The following MRAP2 variants were observed in gnomAD, a reference collection of about 807,000 sequenced individuals.
The protein encoded by MRAP2 is melanocortin-2 receptor accessory protein 2.
A neutral mutation model predicts 17.4 loss-of-function variants in MRAP2; 20 were observed. The ratio of observed to expected loss-of-function variants is 1.15; its 90% CI spans 0.81 to 1.67. The LOEUF is 1.67. Among genes scored for constraint, MRAP2 ranks in the 40% most tolerant of loss-of-function variants. MRAP2 has a pLI of 0.00. For synonymous variants in MRAP2, 96 were observed against 88.4 expected (o/e 1.09, Z -0.48); for missense variants, 238 against 240.0 (o/e 0.99, Z 0.05).
chr6:84,123,437 A>G, the MRAP2 span, among the ~76,000 whole-genome samples: 4 of 151,994 alleles, frequency 2.6e-5, no homozygotes, highest in Non-Finnish European at 5.9e-5. Flanking sequence ...CTTACAACTA[A>G]CTGATCTCTG....
At chr6:84,113,034 A>G in the MRAP2 span, among the ~76,000 whole-genome samples, 1 of 152,154 alleles carries the variant, frequency 6.6e-6, no homozygotes, top group Non-Finnish European at 1.5e-5. Flanking sequence ...CAATTTTAGA[A>G]TAAGTGTGAT....
chr6:84,083,725 T>G (rs2099499581), intron 3 of MRAP2, among the ~76,000 whole-genome samples: 1 of 152,220 alleles, frequency 6.6e-6, no homozygotes, highest in African/African-American at 2.4e-5. Flanking sequence ...GTTACTATAT[T>G]TTTGTTACAG....
chr6:84,068,029 A>C (rs764028196), intron 3 of MRAP2, among the ~76,000 whole-genome samples: 3 of 152,080 alleles, frequency 2.0e-5, no homozygotes, highest in Non-Finnish European at 4.4e-5. Context: ...TCAGGTCTTA[A>C]ATTTAAGTCC....
chr6:84,140,542 C>T, the MRAP2 span, among the ~76,000 whole-genome samples: 5 of 151,816 alleles, frequency 3.3e-5, no homozygotes, highest in African/African-American at 7.3e-5. Context: ...GTTTGTTTTT[C>T]GTAGAGACAG....
In MRAP2 at chr6:84,082,090, T is replaced by C. The variant is rs77921338; in HGVS notation, c.228-7001T>C. ...TCTGTGTGACCCATACATTAGACAT[T>C]AGACTTGTCCCTTAAAATTCACCAA... On this transcript the variant is annotated intron_variant, in intron 3 of 3. Coordinates refer to ENST00000257776, the MANE Select transcript of MRAP2 (RefSeq NM_138409.4). 6.2e-3 allele frequency among the ~76,000 whole-genome samples: 940 copies of C among 152,298 alleles called. 6 individuals are homozygous for C. Among genetic ancestry groups the C allele is most frequent in the African/African-American group, 0.022 (899 of 41,560 alleles).
chr6:84,099,222 G>A, the MRAP2 span, among the ~76,000 whole-genome samples: 1 of 146,112 alleles, frequency 6.8e-6, no homozygotes, highest in Non-Finnish European at 1.5e-5. Context: ...AATCGTTCCA[G>A]CATGGTTTGG....
At chr6:84,099,325 A>T in the MRAP2 span, among the ~76,000 whole-genome samples, 34,230 of 151,584 alleles carry the variant, frequency 0.23, 8,224 homozygotes, top group African/African-American at 0.61. Context: ...TTTTATTTTT[A>T]AATTTTTTTT....
chr6:84,112,060 T>A, the MRAP2 span, among the ~76,000 whole-genome samples: 4 of 152,022 alleles, frequency 2.6e-5, no homozygotes, highest in Non-Finnish European at 5.9e-5. Flanking sequence ...CGGCCTGAAA[T>A]TTTCTTTTTT....
At chr6:84,109,554 C>T in the MRAP2 span, among the ~76,000 whole-genome samples, 1 of 152,176 alleles carries the variant, frequency 6.6e-6, no homozygotes, top group East Asian at 1.9e-4. Flanking sequence ...GTTTAAGAAG[C>T]TTTTGAGCTG....
chr6:84,092,794 A>G (rs940792969), downstream of MRAP2, among the ~76,000 whole-genome samples: 3 of 152,006 alleles, frequency 2.0e-5, no homozygotes, highest in African/African-American at 7.2e-5. Flanking sequence ...TTCAATCCCC[A>G]TTTGGTTGAA....
chr6:84,093,222 C>T (rs536696416), downstream of MRAP2, among the ~76,000 whole-genome samples: 46 of 151,182 alleles, frequency 3.0e-4, no homozygotes, highest in African/African-American at 1.0e-3. Context: ...AGAGAGATCA[C>T]CAAACATAGG....
chr6:84,067,630 C>T (rs542038509), intron 3 of MRAP2, among the ~76,000 whole-genome samples: 2 of 151,972 alleles, frequency 1.3e-5, no homozygotes, highest in East Asian at 1.9e-4. Context: ...TCCCTGATCA[C>T]TAGTGATGTT....
chr6:84,062,166 AT>A (rs1562879959), intron 2 of MRAP2: 1 of 930,262 alleles, frequency 1.1e-6, no homozygotes, highest in Non-Finnish European at 1.3e-6. Context: ...GCATACTTGC[AT>A]TCTTAGGTAT....
chr6:84,136,660 T>C, the MRAP2 span, among the ~76,000 whole-genome samples: 1 of 152,180 alleles, frequency 6.6e-6, no homozygotes, highest in Non-Finnish European at 1.5e-5. Flanking sequence ...TTCACTGCTA[T>C]ATCTTAAGAA....
chr6:84,061,783 T>G (rs1298288600), intron 2 of MRAP2: 3 of 985,282 alleles, frequency 3.0e-6, no homozygotes, highest in Non-Finnish European at 3.6e-6. Flanking sequence ...AAATGACAAT[T>G]CTAATGACAG....
chr6:84,077,334 C>G (rs1280362522), intron 3 of MRAP2, among the ~76,000 whole-genome samples: 1 of 152,178 alleles, frequency 6.6e-6, no homozygotes, highest in Admixed American at 6.5e-5. Flanking sequence ...AAGGGCCTAT[C>G]AGGTAGAAAG....
intron 2 of MRAP2, among the ~76,000 whole-genome samples, chr6:84,057,492 C>A (rs1056952795): frequency 2.0e-5 from 3 of 152,172 alleles, no homozygotes; most frequent in African/African-American, 7.2e-5. Context: ...TGAGAAGCAA[C>A]CTCAGATGGT....
At chr6:84,057,874 A>G (rs1457265927) in intron 2 of MRAP2, among the ~76,000 whole-genome samples, 1 of 152,190 alleles carries the variant, frequency 6.6e-6, no homozygotes, top group Non-Finnish European at 1.5e-5. Flanking sequence ...CTTACTGAGA[A>G]GGAGAGATTT....
chr6:84,081,517 A>G (rs2129174134), intron 3 of MRAP2, among the ~76,000 whole-genome samples: 1 of 152,266 alleles, frequency 6.6e-6, no homozygotes, highest in South Asian at 2.1e-4. Context: ...TGATGGCCTA[A>G]AAGTCTGTGG....
Sources: allele counts gnomAD v4.1 joint callset (sites outside exome capture counted in the v4.1 genomes callset), GRCh38; gene constraint gnomAD v4.1.1; transcripts MANE v1.5; gene names NCBI Gene and HGNC (gene_info 2026-07-23, HGNC 2026-07-21).